Variants in IQGAP1 observed in about 807,000 individuals in gnomAD.
IQGAP1 encodes the protein ras GTPase-activating-like protein IQGAP1.
Under a neutral mutation model 215.6 loss-of-function variants are expected in IQGAP1, and 66 were observed. The ratio of observed to expected loss-of-function variants is 0.31; its 90% CI spans 0.25 to 0.38. The LOEUF (loss-of-function observed/expected upper bound fraction) is 0.38. Ranked by LOEUF, IQGAP1 falls within the 10% of genes least tolerant of loss-of-function variation. The probability of loss-of-function intolerance (pLI) is 1.00; values close to 1 mark genes in which losing one functional copy is unlikely to be tolerated. For synonymous variants in IQGAP1, 772 were observed against 728.7 expected (o/e 1.06, Z -0.96); for missense variants, 1,712 against 1,997.1 (o/e 0.86, Z 2.72).
rs2151023948 is a variant in IQGAP1 at position 90,453,226 on chromosome 15, C to T, written c.1421C>T (p.Thr474Ile). 6.2e-7 allele frequency: 1 copy of T among 1,613,944 alleles called. No homozygotes were observed. Residue 474 changes from threonine to isoleucine, a missense_variant, in exon 13 of 38, where the codon ACA becomes ATA. This residue lies in a region of IQGAP1 where 1,021 missense variants were observed against 1,074.2 expected (regional missense o/e 0.95). Coordinates refer to ENST00000268182, the MANE Select transcript of IQGAP1 (RefSeq NM_003870.4). ...NRALESGDVN[T>I]VWKQLSSSVT... Reference sequence around the variant, plus strand: ...GCATTGGAATCAGGAGATGTGAATACAGTGTGGAAGCAATTGAGCAGTTCA... The same window carrying T: ...GCATTGGAATCAGGAGATGTGAATATAGTGTGGAAGCAATTGAGCAGTTCA...
At chr15:90,407,907 T>G (rs529530190) in intron 2 of IQGAP1, among the ~76,000 whole-genome samples, 2 of 152,316 alleles carry the variant, frequency 1.3e-5, no homozygotes, top group African/African-American at 4.8e-5. Flanking sequence ...GCATAAACAT[T>G]TGAAAAGTTA....
chr15:90,453,032 C>G (rs1000611955), intron 12 of IQGAP1, 94 bp downstream of exon 12: 6 of 1,552,300 alleles, frequency 3.9e-6, no homozygotes, highest in Non-Finnish European at 5.2e-6. Context: ...AACTTTTTTG[C>G]ATAAACTTGG....
intron 29 of IQGAP1, 25 bp downstream of exon 29, chr15:90,483,618 AAG>A: frequency 6.7e-7 from 1 of 1,491,256 alleles, no homozygotes; most frequent in Non-Finnish European, 9.3e-7. Flanking sequence ...ACAAGTGCTT[AAG>A]AGAGTCTGTG....
intron 2 of IQGAP1, among the ~76,000 whole-genome samples, chr15:90,401,856 A>G (rs1316764928): frequency 6.6e-6 from 1 of 152,202 alleles, no homozygotes; most frequent in Admixed American, 6.5e-5. Flanking sequence ...AATTAAGCAG[A>G]ATGATGATGA....
intron 26 of IQGAP1, among the ~76,000 whole-genome samples, chr15:90,478,551 C>A (rs1392882689): frequency 6.6e-6 from 1 of 152,048 alleles, no homozygotes; most frequent in African/African-American, 2.4e-5. Flanking sequence ...GTTTTATGTA[C>A]GGTTCTTTAA....
rs370030365 is a variant in IQGAP1, at chr15:90,472,933, G to A, written c.2272G>A (p.Gly758Arg). Residue 758 changes from glycine to arginine, a missense_variant, in exon 19 of 38, where the codon GGA becomes AGA. By Grantham distance (125) the Gly-to-Arg change is moderately radical. Transcript: ENST00000268182. ...CACCAGGCTGCAGGCTCGCTGCCGT[G>A]GATACTTAGTTCGACAGGAATTCCG... ...LITRLQARCR[G>R]YLVRQEFRSR... 13 of 1,613,668 alleles carry A rather than the reference G, an allele frequency of 8.1e-6. No individual in the cohort carries two copies. Among genetic ancestry groups the A allele is most frequent in the Non-Finnish European group, 1.1e-5 (13 of 1,179,910 alleles).
chr15:90,474,589 G>A lies in IQGAP1; in HGVS notation c.2680G>A (p.Glu894Lys). The A allele has an allele frequency of 6.2e-7, 1 of 1,614,010 alleles. No individual in the cohort carries two copies. Among genetic ancestry groups the A allele is most frequent in the Non-Finnish European group, 8.5e-7 (1 of 1,179,896 alleles). Reference sequence around the variant, plus strand: ...GGAGCTTGACCTTATGAAGATGCGGGAAGAGGTTATCACCCTCATTCGTTC... The same window carrying A: ...GGAGCTTGACCTTATGAAGATGCGGAAAGAGGTTATCACCCTCATTCGTTC... ...QEELDLMKMREEVITLIRSNQ... is the reference protein window; with the variant it reads ...QEELDLMKMRKEVITLIRSNQ... The change falls in exon 23 of 38, where the codon GAA (glutamate) becomes AAA (lysine). Residue 894 changes from glutamate to lysine, a missense_variant. Glu to Lys is a moderately conservative substitution (Grantham distance 56, BLOSUM62 1). Transcript: ENST00000268182.
intron 6 of IQGAP1, among the ~76,000 whole-genome samples, 193 bp from the exon 7 acceptor site, chr15:90,440,309 A>G (rs1028444246): frequency 6.6e-6 from 1 of 152,260 alleles, no homozygotes. Context: ...CTTGATAATA[A>G]TAACGTTTGA....
rs755320983 is a variant in IQGAP1 at position 90,449,555 on chromosome 15, T to C, written c.1078-4T>C. ...CTTTACATAATTTTCTTTGCTTTGC[T>C]CAGAGTGGTCAGACTGACCCCCTGC... On this transcript the variant is annotated splice_polypyrimidine_tract_variant and splice_region_variant and intron_variant, in intron 10 of 37. Coordinates refer to ENST00000268182, the MANE Select transcript of IQGAP1 (RefSeq NM_003870.4). The C allele has an allele frequency of 2.5e-6, 4 of 1,610,576 alleles. No individual in the cohort carries two copies. The East Asian group carries it at 6.7e-5, about 27-fold the overall frequency.
intron 30 of IQGAP1, 102 bp from the exon 31 acceptor site, chr15:90,485,928 A>G (rs1450078374): frequency 2.5e-6 from 2 of 805,712 alleles, no homozygotes; most frequent in Middle Eastern, 2.9e-4. Flanking sequence ...GAATATAGGA[A>G]CTTTGTTGGA....
At chr15:90,395,311 G>GT (rs1964697314) in intron 2 of IQGAP1, among the ~76,000 whole-genome samples, 12 of 124,688 alleles carry the variant, frequency 9.6e-5, no homozygotes, top group East Asian at 5.3e-4. Flanking sequence ...TAAGGAGCGG[G>GT]GTTTTTTTTG....
chr15:90,453,192 A>T lies in IQGAP1; in HGVS notation c.1387A>T (p.Ile463Phe). ...GGAGATGTTGTCATCGGTGGCCCTGATCAACAGGGCATTGGAATCAGGAGA... is the reference window on the plus strand; with the variant it reads ...GGAGATGTTGTCATCGGTGGCCCTGTTCAACAGGGCATTGGAATCAGGAGA... The part of the protein sequence containing the change: ...AVEMLSSVAL[I>F]NRALESGDVN... Residue 463 changes from isoleucine (I) to phenylalanine (F), a missense_variant, in exon 13 of 38, where the codon ATC becomes TTC. Ile to Phe is a conservative substitution (Grantham distance 21). Around this residue, in one of 2 missense-constraint regions of IQGAP1, gnomAD observed 1,021 missense variants for 1,074.2 expected, o/e 0.95. Transcript: ENST00000268182. The T allele has an allele frequency of 6.2e-7, 1 of 1,613,732 alleles. No homozygotes were observed. Among genetic ancestry groups the T allele is most frequent in the Middle Eastern group, 1.7e-4 (1 of 6,058 alleles).
intron 8 of IQGAP1, 116 bp downstream of exon 8, chr15:90,441,800 G>A (rs944646691): frequency 2.0e-5 from 15 of 738,370 alleles, no homozygotes; most frequent in African/African-American, 3.6e-5. Flanking sequence ...AAAATTCACC[G>A]GATTTTAAAT....
intron 4 of IQGAP1, among the ~76,000 whole-genome samples, chr15:90,432,265 A>G (rs1225327919): frequency 1.3e-5 from 2 of 152,180 alleles, no homozygotes; most frequent in Non-Finnish European, 2.9e-5. Context: ...CCAGTCATCC[A>G]GTCTCAAAAC....
Position 90,449,661 on chromosome 15 carries a change from T to C in IQGAP1, c.1162+18T>C, listed in dbSNP as rs374158788. 4.1e-5 allele frequency: 65 copies of C among 1,594,022 alleles called. No homozygotes were observed. The African/African-American group carries it at 7.1e-4, about 17-fold the overall frequency. On this transcript the variant is annotated intron_variant, in intron 11 of 37. Coordinates refer to ENST00000268182, the MANE Select transcript of IQGAP1 (RefSeq NM_003870.4). ...TCAGAGAAGTAAGAGTCCATTGAAA[T>C]TGTATGGGAGGAAAGTTGTGGCTTT...
intron 26 of IQGAP1, among the ~76,000 whole-genome samples, chr15:90,478,315 T>A (rs973054291): frequency 2.6e-5 from 4 of 152,204 alleles, no homozygotes; most frequent in Admixed American, 2.6e-4. Context: ...TTTAGAAAAC[T>A]GTGCTTTCTA....
chr15:90,475,031 C>A (rs1165625908), intron 23 of IQGAP1, among the ~76,000 whole-genome samples: 1 of 140,738 alleles, frequency 7.1e-6, no homozygotes, highest in African/African-American at 2.7e-5. Context: ...CGGAGTTTCC[C>A]TCTCGTCGCT....
chr15:90,467,366 C>G (rs1336688312), intron 17 of IQGAP1, 84 bp from the exon 18 acceptor site: 1 of 1,374,886 alleles, frequency 7.3e-7, no homozygotes, highest in Non-Finnish European at 9.9e-7. Context: ...GACTGTGAGA[C>G]TAACTAATAA....
At chr15:90,422,494 A>G (rs1197779165) in intron 2 of IQGAP1, among the ~76,000 whole-genome samples, 1 of 151,084 alleles carries the variant, frequency 6.6e-6, no homozygotes, top group African/African-American at 2.4e-5. Flanking sequence ...AATGTCTAAG[A>G]TAGGTGACTT....
Sources: allele counts gnomAD v4.1 joint callset (sites outside exome capture counted in the v4.1 genomes callset), GRCh38; gene constraint gnomAD v4.1.1; regional missense constraint gnomAD v4.1.1; transcripts MANE v1.5; gene names NCBI Gene and HGNC (gene_info 2026-07-23, HGNC 2026-07-21).